Variants in GPC6 observed in about 807,000 individuals in gnomAD.
GPC6 encodes glypican 6.
Under a neutral mutation model 55.2 loss-of-function variants are expected in GPC6, and 14 were observed. The ratio of observed to expected loss-of-function variants is 0.25; its 90% CI spans 0.17 to 0.40. GPC6 has a LOEUF of 0.40. GPC6 is among the 10% of genes least tolerant of loss of function. The pLI, the probability that GPC6 is intolerant of heterozygous loss-of-function variation, is 1.00. For synonymous variants in GPC6, 278 were observed against 259.6 expected (o/e 1.07, Z -0.68); for missense variants, 641 against 708.5 (o/e 0.90, Z 1.08).
At chr13:94,129,417 C>G (rs1886936700) in intron 4 of GPC6, among the ~76,000 whole-genome samples, 1 of 152,100 alleles carries the variant, frequency 6.6e-6, no homozygotes, top group Non-Finnish European at 1.5e-5. Flanking sequence ...CTGTCCCAAG[C>G]AGGAGAGAAG....
intron 2 of GPC6, among the ~76,000 whole-genome samples, chr13:93,739,869 G>T (rs1196418209): frequency 1.3e-5 from 2 of 152,120 alleles, no homozygotes; most frequent in Non-Finnish European, 2.9e-5. Context: ...AAGTCACACA[G>T]TAAATCAAAT....
intron 4 of GPC6, among the ~76,000 whole-genome samples, chr13:94,264,068 A>G (rs898315728): frequency 6.6e-6 from 1 of 152,162 alleles, no homozygotes; most frequent in Non-Finnish European, 1.5e-5. Context: ...TGGGCAGAAG[A>G]CTGGGTAGAG....
At position 93,830,471 on chromosome 13, in the gene GPC6, C is replaced by T. The variant is rs1357289814; in HGVS notation, c.637C>T (p.Arg213Cys). 3 of 1,613,596 alleles carry T rather than the reference C, an allele frequency of 1.9e-6. No homozygotes were observed. Among genetic ancestry groups the T allele is most frequent in the South Asian group, 1.1e-5 (1 of 91,060 alleles). The change falls in exon 3 of 9, where the codon CGC becomes TGC. Residue 213 changes from arginine (R) to cysteine (C), a missense_variant. Arg to Cys is a radical substitution (Grantham distance 180). Coordinates refer to ENST00000377047, the MANE Select transcript of GPC6 (RefSeq NM_005708.5). ...VPRKLKIQVT[R>C]AFIAARTFVQ... is the part of the protein sequence containing the mutation. Reference sequence around the variant, plus strand: ...CCGGAAACTGAAGATTCAGGTTACCCGCGCCTTCATTGCTGCCAGGACCTT... The same window carrying T: ...CCGGAAACTGAAGATTCAGGTTACCTGCGCCTTCATTGCTGCCAGGACCTT...
chr13:93,706,486 C>T (rs1293563999), intron 2 of GPC6, among the ~76,000 whole-genome samples: 1 of 151,776 alleles, frequency 6.6e-6, no homozygotes, highest in African/African-American at 2.4e-5. Flanking sequence ...TTTTGAAATT[C>T]GTTGCAACAC....
chr13:93,937,950 A>G lies in GPC6; in HGVS notation c.712-89779A>G, dbSNP rs182295160. ...TGCTTCCAGAAATAAATACTAAACA[A>G]TTTCCAATAAACCACTTTTAATTTT... On this transcript the variant is annotated intron_variant, in intron 3 of 8. Coordinates refer to ENST00000377047, the MANE Select transcript of GPC6 (RefSeq NM_005708.5). Among the ~76,000 whole-genome samples the G allele has an allele frequency of 8.9e-4, 136 of 152,336 alleles. 1 individual carries two copies. The highest frequency in any genetic ancestry group is 3.1e-3 in the African/African-American group (130 of 41,572).
chr13:94,378,563 C>G (rs1196028493), intron 6 of GPC6, among the ~76,000 whole-genome samples: 2 of 152,110 alleles, frequency 1.3e-5, no homozygotes, highest in Admixed American at 6.5e-5. Context: ...AGGTCTTAAA[C>G]TAAGAGTGTT....
At chr13:93,553,413 C>T (rs1287242725) in intron 2 of GPC6, among the ~76,000 whole-genome samples, 1 of 152,042 alleles carries the variant, frequency 6.6e-6, no homozygotes, top group African/African-American at 2.4e-5. Flanking sequence ...ATGAGATGGG[C>T]CAGGCGCAGT....
At chr13:93,798,300 A>G (rs1886264325) in intron 2 of GPC6, among the ~76,000 whole-genome samples, 1 of 152,204 alleles carries the variant, frequency 6.6e-6, no homozygotes, top group African/African-American at 2.4e-5. Flanking sequence ...TCTGTGAACC[A>G]AGTTACTTGA....
intron 1 of GPC6, among the ~76,000 whole-genome samples, chr13:93,295,047 G>A (rs1312800445): frequency 7.1e-6 from 1 of 141,424 alleles, no homozygotes; most frequent in Non-Finnish European, 1.5e-5. Flanking sequence ...TAGGTGGGCA[G>A]ATTGCTTGAG....
At position 94,253,553 on chromosome 13, in the gene GPC6, T is replaced by C. The variant is rs189789026; in HGVS notation, c.878-32796T>C. On this transcript the variant is annotated intron_variant, in intron 4 of 8. Transcript: ENST00000377047. ...ACAGACTAAAGAGGCCTTTTTGCTT[T>C]TTAAGATGTGGGAGTCTTTGTGAGC... Among the ~76,000 whole-genome samples, 13 of 152,236 alleles carry C rather than the reference T, an allele frequency of 8.5e-5. 1 individual carries two copies. The highest frequency in any genetic ancestry group is 7.2e-4 in the Admixed American group (11 of 15,286).
intron 1 of GPC6, among the ~76,000 whole-genome samples, chr13:93,381,560 G>A (rs1018453553): frequency 2.6e-5 from 4 of 152,090 alleles, no homozygotes; most frequent in African/African-American, 9.7e-5. Context: ...AGGAGCTTGT[G>A]GGCAACATGT....
intron 3 of GPC6, among the ~76,000 whole-genome samples, chr13:93,872,619 A>T (rs1229158077): frequency 6.6e-6 from 1 of 151,826 alleles, no homozygotes; most frequent in African/African-American, 2.4e-5. Context: ...TTTTTCTCCC[A>T]TCTTTGCCTC....
chr13:94,124,139 T>C (rs1473972746), intron 4 of GPC6, among the ~76,000 whole-genome samples: 2 of 152,120 alleles, frequency 1.3e-5, no homozygotes, highest in African/African-American at 4.8e-5. Context: ...ATAAAGTCCT[T>C]CCTAAAACCA....
intron 3 of GPC6, among the ~76,000 whole-genome samples, chr13:93,891,997 TAAG>T (rs1230041753): frequency 6.6e-6 from 1 of 152,084 alleles, no homozygotes; most frequent in African/African-American, 2.4e-5. Flanking sequence ...TATATGTTTT[TAAG>T]AAGTATAGAG....
At chr13:93,497,440 C>T (rs914252843) in intron 1 of GPC6, among the ~76,000 whole-genome samples, 6 of 152,140 alleles carry the variant, frequency 3.9e-5, no homozygotes, top group East Asian at 1.9e-4. Flanking sequence ...AACTCAAAGA[C>T]GATGAGGTCT....
At chr13:93,268,899 C>G (rs1322317821) in intron 1 of GPC6, among the ~76,000 whole-genome samples, 2 of 152,106 alleles carry the variant, frequency 1.3e-5, no homozygotes, top group Non-Finnish European at 2.9e-5. Context: ...GCTGTGCATT[C>G]TTCGAATTTA....
chr13:93,830,064 T>C, intron 2 of GPC6, 90 bp from the exon 3 acceptor site: 1 of 830,874 alleles, frequency 1.2e-6, no homozygotes, highest in South Asian at 1.6e-5. Flanking sequence ...CATGAAAATG[T>C]CAATTAAAAG....
At chr13:94,106,414 A>G (rs1353939274) in intron 4 of GPC6, among the ~76,000 whole-genome samples, 2 of 152,176 alleles carry the variant, frequency 1.3e-5, no homozygotes, top group East Asian at 1.9e-4. Context: ...AGAGTTTACA[A>G]GACATGATGA....
chr13:93,850,601 T>TTA (rs900629236), intron 3 of GPC6, among the ~76,000 whole-genome samples: 16 of 151,918 alleles, frequency 1.1e-4, no homozygotes, highest in African/African-American at 2.7e-4. Flanking sequence ...TGAATTTTAA[T>TTA]TATATATATA....
Sources: gnomAD v4.1 joint callset for allele counts (sites outside exome capture counted in the v4.1 genomes callset) on GRCh38, gnomAD v4.1.1 for gene constraint, MANE v1.5 for transcripts, NCBI Gene and HGNC (gene_info 2026-07-23, HGNC 2026-07-21) for gene names.